FAM120B: variants seen among roughly 807,000 people sequenced by gnomAD.
FAM120B encodes the protein constitutive coactivator of peroxisome proliferator-activated receptor gamma.
In FAM120B, 83 loss-of-function variants were observed where a neutral mutation model predicts 96.3. That is an observed-to-expected ratio of 0.86 (90% CI 0.72 to 1.03). FAM120B has a LOEUF of 1.03. Ranked by LOEUF, FAM120B falls within the 50% of genes least tolerant of loss-of-function variation. The pLI is 0.00. For missense variants in FAM120B, 1,027 were observed against 1,121.2 expected, an observed-to-expected ratio of 0.92 and a Z score of 1.20; for synonymous variants, 407 against 402.7, an observed-to-expected ratio of 1.01 and a Z score of -0.13.
chr6:170,340,469 C>T (rs1034708248), intron 4 of FAM120B, among the ~76,000 whole-genome samples: 8 of 152,092 alleles, frequency 5.3e-5, no homozygotes, highest in African/African-American at 1.7e-4. Context: ...TTGTTATTAC[C>T]CATCTTCTGA....
Position 170,330,002 on chromosome 6 carries a change from C to T in FAM120B, c.1916-447C>T, listed in dbSNP as rs149057607. ...CCCTTCCCCCTTAAGCACCTGTTCT[C>T]TGCTGACCTCCTCCCTTCAGAGTTC... On this transcript the variant is annotated intron_variant, in intron 3 of 10. Coordinates refer to ENST00000476287, the MANE Select transcript of FAM120B (RefSeq NM_032448.3). Among the ~76,000 whole-genome samples the T allele has an allele frequency of 3.0e-3, 457 of 152,290 alleles. 1 individual carries two copies. Among genetic ancestry groups the T allele is most frequent in the African/African-American group, 0.011 (438 of 41,556 alleles).
intron 2 of FAM120B, among the ~76,000 whole-genome samples, 157 bp downstream of exon 2, chr6:170,319,281 G>A (rs1171685056): frequency 6.6e-6 from 1 of 152,230 alleles, no homozygotes; most frequent in Non-Finnish European, 1.5e-5. Context: ...TATATGTGTG[G>A]AAACTCACAA....
intron 6 of FAM120B, 51 bp downstream of exon 6, chr6:170,358,369 CCAGCCTTCTCT>C: frequency 8.0e-7 from 1 of 1,243,190 alleles, no homozygotes; most frequent in Non-Finnish European, 1.2e-6. Context: ...GCTGTGCAGT[CCAGCCTTCTCT>C]TTCCCATTAT....
At chr6:170,395,627 C>G (rs1356593045) in intron 9 of FAM120B, 48 bp downstream of exon 9, 5 of 1,360,792 alleles carry the variant, frequency 3.7e-6, no homozygotes, top group Non-Finnish European at 5.1e-6. Flanking sequence ...ATGGCACTGC[C>G]TCTCACCTTG....
At chr6:170,301,390 A>G (rs1236114264) in intron 1 of FAM120B, among the ~76,000 whole-genome samples, 1 of 152,200 alleles carries the variant, frequency 6.6e-6, no homozygotes, top group African/African-American at 2.4e-5. Flanking sequence ...TGCCCAAGAA[A>G]CCATTTTTCC....
intron 4 of FAM120B, among the ~76,000 whole-genome samples, chr6:170,338,383 G>A (rs1786581953): frequency 6.6e-6 from 1 of 152,188 alleles, no homozygotes; most frequent in Non-Finnish European, 1.5e-5. Context: ...TGATTGCACT[G>A]TGGTCTGAGA....
intron 6 of FAM120B, among the ~76,000 whole-genome samples, chr6:170,362,523 A>G (rs2115208599): frequency 6.6e-6 from 1 of 152,240 alleles, no homozygotes; most frequent in South Asian, 2.1e-4. Context: ...ACACGATGCC[A>G]TGGTTGCCGT....
intron 1 of FAM120B, among the ~76,000 whole-genome samples, chr6:170,314,717 A>T (rs1784789814): frequency 6.6e-6 from 1 of 152,234 alleles, no homozygotes; most frequent in Admixed American, 6.5e-5. Context: ...GGAATTTTCT[A>T]TATCTTTTTA....
chr6:170,302,902 C>G (rs1219265117), upstream of FAM120B, among the ~76,000 whole-genome samples: 2 of 152,158 alleles, frequency 1.3e-5, no homozygotes, highest in Non-Finnish European at 2.9e-5. Context: ...CTTGTAGTCT[C>G]CCAGGAAAGA....
chr6:170,388,451 A>C lies in FAM120B; in HGVS notation c.2448A>C (p.Gln816His), dbSNP rs199935608. The change falls in exon 7 of 11, where the codon CAA (glutamine) becomes CAC (histidine). Residue 816 changes from glutamine (Q) to histidine (H), a missense_variant. By Grantham distance (24) the Gln-to-His change is conservative. Coordinates refer to ENST00000476287, the MANE Select transcript of FAM120B (RefSeq NM_032448.3). ...DGKLFHQKYL[Q>H]SEKGYAVEVL... Reference sequence around the variant, plus strand: ...AGCTTTTTCATCAGAAGTACTTGCAATCTGAAAAGGGTTATGCTGTGGAGG... The same window carrying C: ...AGCTTTTTCATCAGAAGTACTTGCACTCTGAAAAGGGTTATGCTGTGGAGG... 2 of 1,614,152 alleles carry C rather than the reference A, an allele frequency of 1.2e-6. No homozygotes were observed. Among genetic ancestry groups the C allele is most frequent in the South Asian group, 2.2e-5 (2 of 91,080 alleles).
At chr6:170,365,038 A>T (rs1007050953) in intron 6 of FAM120B, among the ~76,000 whole-genome samples, 1 of 152,208 alleles carries the variant, frequency 6.6e-6, no homozygotes, top group Non-Finnish European at 1.5e-5. Context: ...GGAGGAGAGG[A>T]TGGGGCAGAG....
intron 5 of FAM120B, among the ~76,000 whole-genome samples, chr6:170,353,471 C>T (rs1040578903): frequency 6.6e-6 from 1 of 152,150 alleles, no homozygotes; most frequent in Admixed American, 6.6e-5. Context: ...AGGCCAATAT[C>T]CTTGATGAAC....
At chr6:170,345,932 G>C (rs1397214317) in intron 4 of FAM120B, among the ~76,000 whole-genome samples, 2 of 152,212 alleles carry the variant, frequency 1.3e-5, no homozygotes, top group Non-Finnish European at 2.9e-5. Context: ...GAATGTACTT[G>C]CACAAACCTA....
At chr6:170,309,273 C>G (rs2114994840) in intron 1 of FAM120B, among the ~76,000 whole-genome samples, 1 of 152,158 alleles carries the variant, frequency 6.6e-6, no homozygotes, top group East Asian at 1.9e-4. Flanking sequence ...ATTATTTATG[C>G]AAAGATAGGT....
intron 6 of FAM120B, among the ~76,000 whole-genome samples, chr6:170,383,369 A>T (rs141022608): frequency 6.8e-4 from 103 of 152,348 alleles, no homozygotes; most frequent in African/African-American, 2.3e-3. Context: ...GATAAGGAAA[A>T]GACAACCTAC....
intron 2 of FAM120B, among the ~76,000 whole-genome samples, chr6:170,319,496 T>C: frequency 6.6e-6 from 1 of 152,080 alleles, no homozygotes. Flanking sequence ...GGTGAAACCC[T>C]GTCTCTACTA....
chr6:170,359,236 A>G (rs930455828), intron 6 of FAM120B, among the ~76,000 whole-genome samples: 2 of 152,012 alleles, frequency 1.3e-5, no homozygotes, highest in African/African-American at 4.8e-5. Flanking sequence ...CCTCATCTCT[A>G]CTAAAAATAC....
chr6:170,302,662 CA>C (rs1562506314), upstream of FAM120B, among the ~76,000 whole-genome samples: 4 of 152,206 alleles, frequency 2.6e-5, no homozygotes, highest in South Asian at 6.2e-4. Flanking sequence ...CATTAACCCC[CA>C]AATTCGCTCT....
At chr6:170,302,494 A>C (rs112730188), upstream of FAM120B, among the ~76,000 whole-genome samples, 18 of 152,346 alleles carry the variant, frequency 1.2e-4, no homozygotes, top group African/African-American at 4.1e-4. Context: ...AAGAAATTTC[A>C]TTCAGCATCC....
Sources: gnomAD v4.1 joint callset for allele counts (sites outside exome capture counted in the v4.1 genomes callset) on GRCh38, gnomAD v4.1.1 for gene constraint, MANE v1.5 for transcripts, NCBI Gene and HGNC (gene_info 2026-07-23, HGNC 2026-07-21) for gene names.